Variants in EGF observed in about 807,000 individuals in gnomAD.
The protein encoded by EGF is pro-epidermal growth factor.
A neutral mutation model predicts 143.8 loss-of-function variants in EGF; 95 were observed. That is an observed-to-expected ratio of 0.66 (90% CI 0.56 to 0.78). The LOEUF is 0.78. Among genes scored for constraint, EGF ranks in the 30% least tolerant of loss-of-function variants. The pLI is 0.00. For synonymous variants in EGF, 510 were observed against 510.5 expected (o/e 1.00, Z 0.01); for missense variants, 1,320 against 1,470.9 (o/e 0.90, Z 1.68).
rs35191533 is a variant in EGF, at chr4:109,945,210, T to A, written c.875T>A (p.Leu292His). ...AACCTCCATTCATCATTTGTACCAC[T>A]TGGTGAACTGAAAGTAGTGCATCCA... ...RINLHSSFVP[L>H]GELKVVHPLA... is the part of the protein sequence containing the mutation. Residue 292 changes from leucine (L) to histidine (H), a missense_variant, in exon 5 of 24, where the codon CTT becomes CAT. Leu to His is a moderately conservative substitution (Grantham distance 99). Transcript: ENST00000265171. 1,480 of 1,614,120 alleles carry A rather than the reference T, an allele frequency of 9.2e-4. 14 individuals are homozygous for A. The African/African-American group carries it at 0.018, about 19-fold the overall frequency.
At chr4:109,960,282 A>G (rs544321895) in intron 6 of EGF, among the ~76,000 whole-genome samples, 12 of 152,334 alleles carry the variant, frequency 7.9e-5, no homozygotes, top group Non-Finnish European at 1.8e-4. Flanking sequence ...ATGGCATGCT[A>G]TATCTTTTCA....
intron 15 of EGF, among the ~76,000 whole-genome samples, chr4:109,982,965 C>T (rs1234061520): frequency 2.0e-5 from 3 of 152,132 alleles, no homozygotes; most frequent in African/African-American, 7.2e-5. Flanking sequence ...TAAATCATGA[C>T]TTTTTAATGT....
At chr4:109,981,084 C>A in intron 15 of EGF, 109 bp downstream of exon 15, 3 of 1,500,684 alleles carry the variant, frequency 2.0e-6, no homozygotes, top group South Asian at 1.1e-5. Flanking sequence ...GTTAAAAGTT[C>A]TCCTGTTTTT....
At chr4:109,949,074 T>C (rs1327382982) in intron 5 of EGF, among the ~76,000 whole-genome samples, 1 of 152,040 alleles carries the variant, frequency 6.6e-6, no homozygotes, top group African/African-American at 2.4e-5. Flanking sequence ...AAACTCTAGT[T>C]CTTTTTTTTT....
At chr4:109,994,985 G>A (rs2126158225) in intron 20 of EGF, 105 bp downstream of exon 20, 2 of 1,442,004 alleles carry the variant, frequency 1.4e-6, no homozygotes, top group South Asian at 1.2e-5. Context: ...GCAATTAGGT[G>A]TTCTTTTGGA....
chr4:110,010,031 T>TTGAGACCAGCCTGTCTCTACCAAA (rs763089597), intron 23 of EGF, among the ~76,000 whole-genome samples: 1 of 152,152 alleles, frequency 6.6e-6, no homozygotes, highest in South Asian at 2.1e-4. Flanking sequence ...GGTCAGGAGT[T>TTGAGACCAGCCTGTCTCTACCAAA]TGAGACCAGC....
Position 109,949,153 on chromosome 4 carries a change from G to A in EGF, c.940+3878G>A, listed in dbSNP as rs144769541. On this transcript the variant is annotated intron_variant, in intron 5 of 23. Coordinates refer to ENST00000265171, the MANE Select transcript of EGF (RefSeq NM_001963.6). ...GTAATCTCAGCTCACTGCAACCTCC[G>A]CCTCCTGGGTTTTAAGCAATTCTCT... Among the ~76,000 whole-genome samples, 215 of 151,948 alleles carry A rather than the reference G, an allele frequency of 1.4e-3. 2 individuals carry two copies. The East Asian group carries it at 0.031, about 22-fold the overall frequency.
At chr4:109,982,629 T>TTTTTC (rs141563762) in intron 15 of EGF, among the ~76,000 whole-genome samples, 23 of 152,008 alleles carry the variant, frequency 1.5e-4, no homozygotes, top group African/African-American at 2.2e-4. Context: ...TGCCCGGCCT[T>TTTTTC]TTTTCTTTTC....
intron 11 of EGF, among the ~76,000 whole-genome samples, chr4:109,973,343 G>A (rs1747971383): frequency 6.6e-6 from 1 of 152,108 alleles, no homozygotes; most frequent in Non-Finnish European, 1.5e-5. Flanking sequence ...TTTAGGTCCT[G>A]TACTTTAGAA....
In EGF at chr4:110,011,524, G is replaced by C; in HGVS notation, c.*69G>C. The C allele has an allele frequency of 6.2e-7, 1 of 1,611,658 alleles. No homozygotes were observed. The highest frequency in any genetic ancestry group is 8.5e-7 in the Non-Finnish European group (1 of 1,179,308). The stretch of plus-strand genomic sequence containing the variant: ...ATGCACAGTATCTTTTCTTTCAAAA[G>C]TAGAGCAAAACTATAGGTTTTGGTT... On this transcript the variant is annotated 3_prime_UTR_variant, in exon 24 of 24. Transcript: ENST00000265171.
At chr4:109,990,542 G>A (rs1453013469) in intron 18 of EGF, among the ~76,000 whole-genome samples, 1 of 152,178 alleles carries the variant, frequency 6.6e-6, no homozygotes, top group African/African-American at 2.4e-5. Context: ...ACTAAGTTTA[G>A]GTTATATGAG....
intron 19 of EGF, among the ~76,000 whole-genome samples, chr4:109,994,521 C>T (rs1751496662): frequency 6.6e-6 from 1 of 152,130 alleles, no homozygotes; most frequent in Non-Finnish European, 1.5e-5. Flanking sequence ...CTTTATGTAT[C>T]AGATAATACT....
chr4:109,996,145 A>G (rs1218777166), intron 20 of EGF, among the ~76,000 whole-genome samples: 1 of 152,208 alleles, frequency 6.6e-6, no homozygotes, highest in Non-Finnish European at 1.5e-5. Context: ...GTTTTCCTCC[A>G]TGATACTTTA....
chr4:109,993,124 G>C, intron 18 of EGF, 123 bp from the exon 19 acceptor site: 1 of 1,124,648 alleles, frequency 8.9e-7, no homozygotes, highest in Non-Finnish European at 1.2e-6. Flanking sequence ...AAAATATATA[G>C]GTCTCTGAGA....
chr4:109,953,563 A>G (rs940038882), intron 5 of EGF, among the ~76,000 whole-genome samples: 5 of 152,212 alleles, frequency 3.3e-5, no homozygotes, highest in Admixed American at 2.0e-4. Context: ...TATCCTCCAA[A>G]GGTCACTTTT....
chr4:110,013,409 G>C lies in EGF; in HGVS notation c.*1954G>C, dbSNP rs905041014. ...AATGACTCTGGTACCTTAGAAACTG[G>C]GACCCTGCTAAGTCCTTGACTAGGC... is the stretch of plus-strand genomic sequence containing the variant. On this transcript the variant is annotated 3_prime_UTR_variant, in exon 24 of 24. Coordinates refer to ENST00000265171, the MANE Select transcript of EGF (RefSeq NM_001963.6). 6.6e-6 allele frequency among the ~76,000 whole-genome samples: 1 copy of C among 151,952 alleles called. No individual in the cohort carries two copies. Among genetic ancestry groups the C allele is most frequent in the Non-Finnish European group, 1.5e-5 (1 of 67,998 alleles).
At chr4:109,928,490 C>G (rs1739120716) in intron 1 of EGF, among the ~76,000 whole-genome samples, 1 of 152,122 alleles carries the variant, frequency 6.6e-6, no homozygotes. Context: ...AACCTCCAGA[C>G]AGCAGGCTTC....
chr4:109,962,077 A>G, intron 8 of EGF, 92 bp downstream of exon 8: 2 of 1,575,900 alleles, frequency 1.3e-6, no homozygotes, highest in Non-Finnish European at 8.7e-7. Context: ...TCAAGGAAGA[A>G]TTGATTTTCC....
chr4:109,997,534 T>C (rs1751982359), intron 20 of EGF, among the ~76,000 whole-genome samples: 2 of 151,772 alleles, frequency 1.3e-5, no homozygotes. Flanking sequence ...CAATCTCAGC[T>C]CACTGCAAGC....
Sources: gnomAD v4.1 joint callset for allele counts (sites outside exome capture counted in the v4.1 genomes callset) on GRCh38, gnomAD v4.1.1 for gene constraint, MANE v1.5 for transcripts, NCBI Gene and HGNC (gene_info 2026-07-23, HGNC 2026-07-21) for gene names.